SLC22A24: variants seen among roughly 807,000 people sequenced by gnomAD.
The protein encoded by SLC22A24 is solute carrier family 22 member 24, also known as steroid transmembrane transporter SLC22A24.
In SLC22A24, 53 loss-of-function variants were observed where a neutral mutation model predicts 49.8. The ratio of observed to expected loss-of-function variants is 1.06; its 90% CI spans 0.85 to 1.34. The LOEUF (loss-of-function observed/expected upper bound fraction) is 1.34. SLC22A24 is among the 40% of genes most tolerant of loss of function. The pLI is 0.00. For missense variants in SLC22A24, 786 were observed against 675.9 expected (o/e 1.16, Z -1.81); for synonymous variants, 302 against 256.4 (o/e 1.18, Z -1.70).
intron 6 of SLC22A24, among the ~76,000 whole-genome samples, chr11:63,093,970 T>A (rs571343910): frequency 1.3e-4 from 13 of 99,632 alleles, no homozygotes; most frequent in African/African-American, 3.5e-4. Context: ...ACCAAAATTC[T>A]TTTTTTCCTG....
intron 1 of SLC22A24, among the ~76,000 whole-genome samples, chr11:63,141,599 G>A (rs2070553026): frequency 6.6e-6 from 1 of 152,168 alleles, no homozygotes; most frequent in South Asian, 2.1e-4. Context: ...AGTAAAGAAT[G>A]TCACTTTCTA....
At chr11:63,099,584 G>C (rs2087078157) in intron 5 of SLC22A24, among the ~76,000 whole-genome samples, 2 of 151,696 alleles carry the variant, frequency 1.3e-5, no homozygotes, top group South Asian at 2.1e-4. Flanking sequence ...TGTGAGGCCA[G>C]TATTACTCTG....
chr11:63,092,134 A>G (rs2087024083), intron 6 of SLC22A24, among the ~76,000 whole-genome samples: 1 of 152,122 alleles, frequency 6.6e-6, no homozygotes, highest in Admixed American at 6.6e-5. Context: ...CCAAATCCTG[A>G]GTGAACTCCC....
In SLC22A24 at chr11:63,140,090, T is replaced by G. The variant is rs9667687; in HGVS notation, c.402+3288A>C. ...TTGTTTTTTTGTTTTTTTTTTTTGT[T>G]TTTTTTTTTTGAGACGGGGTCTTGC... On this transcript the variant is annotated intron_variant, in intron 1 of 9. Transcript: ENST00000612278. Among the ~76,000 whole-genome samples the G allele has an allele frequency of 2.1e-5, 3 of 145,940 alleles. 1 individual carries two copies. Among genetic ancestry groups the G allele is most frequent in the African/African-American group, 7.8e-5 (3 of 38,396 alleles).
intron 1 of SLC22A24, among the ~76,000 whole-genome samples, chr11:63,140,416 T>A (rs948042842): frequency 6.6e-6 from 1 of 152,138 alleles, no homozygotes; most frequent in Non-Finnish European, 1.5e-5. Flanking sequence ...TAAAACAAAG[T>A]GTCTTGAAAA....
chr11:63,142,623 CT>C (rs2087422431), intron 1 of SLC22A24, among the ~76,000 whole-genome samples: 1 of 152,154 alleles, frequency 6.6e-6, no homozygotes. Flanking sequence ...GATTCTGACC[CT>C]CCCTAAACTG....
chr11:63,095,995 C>A lies in SLC22A24; in HGVS notation c.1066G>T (p.Val356Leu), dbSNP rs1285635313. The A allele has an allele frequency of 1.9e-6, 3 of 1,548,316 alleles. No individual in the cohort carries two copies. The Admixed American group carries it at 5.9e-5, about 30-fold the overall frequency. ...TCATCACCAAATGGAACTTACCTCACAAAGCACAGGCCGAAGACTCTCATT... is the reference window on the plus strand; with the variant it reads ...TCATCACCAAATGGAACTTACCTCAAAAAGCACAGGCCGAAGACTCTCATT... Reference protein sequence around the residue: ...LRMRVFGLCFVRFAITVPFYG... With the variant: ...LRMRVFGLCFLRFAITVPFYG... Residue 356 changes from valine to leucine, a missense_variant, in exon 6 of 10, where the codon GTG (valine) becomes TTG (leucine). Physicochemically the swap from Val to Leu is conservative, Grantham distance 32 (BLOSUM62 1). Coordinates refer to ENST00000612278, the MANE Select transcript of SLC22A24 (RefSeq NM_001136506.2).
rs373854218 is a variant in SLC22A24 at position 63,123,396 on chromosome 11, A to G, written c.507-4061T>C. Among the ~76,000 whole-genome samples the G allele has an allele frequency of 1.4e-4, 21 of 152,304 alleles. 1 individual carries two copies. Among genetic ancestry groups the G allele is most frequent in the Admixed American group, 5.9e-4 (9 of 15,284 alleles). On this transcript the variant is annotated intron_variant, in intron 2 of 9. Transcript: ENST00000612278. Reference sequence around the variant, plus strand: ...AATCTACTTGATATCACTGGTCTCTATCTACATTTCTTTTCTGAGTTACCC... The same window carrying G: ...AATCTACTTGATATCACTGGTCTCTGTCTACATTTCTTTTCTGAGTTACCC...
At chr11:63,092,008 A>T (rs929137278) in intron 6 of SLC22A24, among the ~76,000 whole-genome samples, 5 of 152,102 alleles carry the variant, frequency 3.3e-5, no homozygotes, top group African/African-American at 1.2e-4. Context: ...AAACCCCATC[A>T]TCTTAGCCCC....
intron 2 of SLC22A24, among the ~76,000 whole-genome samples, chr11:63,131,731 C>G (rs984411462): frequency 3.9e-5 from 6 of 152,076 alleles, no homozygotes; most frequent in Admixed American, 1.3e-4. Context: ...TCGTTTCTAC[C>G]TTGGTGAATC....
chr11:63,121,442 T>G (rs2087251303), intron 2 of SLC22A24, among the ~76,000 whole-genome samples: 1 of 152,060 alleles, frequency 6.6e-6, no homozygotes, highest in African/African-American at 2.4e-5. Flanking sequence ...GGGGGATCAC[T>G]ATGAAGAACT....
intron 6 of SLC22A24, among the ~76,000 whole-genome samples, chr11:63,084,851 G>A (rs952835564): frequency 1.3e-5 from 2 of 152,050 alleles, no homozygotes; most frequent in African/African-American, 2.4e-5. Context: ...CTCTAACTCT[G>A]AATGAATATC....
intron 5 of SLC22A24, 65 bp from the exon 6 acceptor site, chr11:63,096,171 A>G: frequency 9.7e-7 from 1 of 1,032,924 alleles, no homozygotes; most frequent in Non-Finnish European, 1.5e-6. Flanking sequence ...CATAGTGGTA[A>G]GTACTAGAGA....
chr11:63,117,430 G>A (rs1052423955), intron 4 of SLC22A24, among the ~76,000 whole-genome samples: 3 of 152,210 alleles, frequency 2.0e-5, no homozygotes, highest in African/African-American at 7.2e-5. Context: ...CACTCAGTCA[G>A]GCAGTTTACA....
chr11:63,120,315 A>C (rs1311143721), intron 2 of SLC22A24, among the ~76,000 whole-genome samples: 2 of 54,924 alleles, frequency 3.6e-5, no homozygotes, highest in South Asian at 7.8e-4. Context: ...GGGTGGGGGG[A>C]GGGGGGAGGG....
chr11:63,112,838 C>G (rs1392738721), intron 4 of SLC22A24, among the ~76,000 whole-genome samples: 1 of 150,382 alleles, frequency 6.6e-6, no homozygotes, highest in Non-Finnish European at 1.5e-5. Context: ...ATGGTGAAAC[C>G]CCGTCTCTAC....
Position 63,079,950 on chromosome 11 carries a change from G to A in SLC22A24, c.1649C>T (p.Thr550Ile). 1.9e-6 allele frequency: 3 copies of A among 1,543,806 alleles called. No individual in the cohort carries two copies. The highest frequency in any genetic ancestry group is 2.6e-6 in the Non-Finnish European group (3 of 1,139,972). ...GGTCTTGGGAATCTCTTAAAACTGT[G>A]TTACTTTCATGCAAGTATCTTCCTG... is the stretch of plus-strand genomic sequence containing the variant. The part of the protein sequence containing the change: ...IKQEDTCMKV[T>I]QF Residue 550 changes from threonine (T) to isoleucine (I), a missense_variant, in exon 10 of 10, where the codon ACA becomes ATA. Thr to Ile is a moderately conservative substitution (Grantham distance 89, BLOSUM62 -1). Transcript: ENST00000612278.
chr11:63,127,882 T>G lies in SLC22A24; in HGVS notation c.506+6783A>C, dbSNP rs193089692. On this transcript the variant is annotated intron_variant, in intron 2 of 9. Coordinates refer to ENST00000612278, the MANE Select transcript of SLC22A24 (RefSeq NM_001136506.2). ...GGATATTAGCTGTTTGTCAGATGGA[T>G]AGACTACAAAAATTTTCTCCCATTC... 2.6e-3 allele frequency among the ~76,000 whole-genome samples: 398 copies of G among 152,168 alleles called. 1 individual carries two copies. Among genetic ancestry groups the G allele is most frequent in the Non-Finnish European group, 4.5e-3 (304 of 68,010 alleles).
intron 4 of SLC22A24, among the ~76,000 whole-genome samples, chr11:63,109,749 C>G (rs1488819040): frequency 6.6e-6 from 1 of 152,116 alleles, no homozygotes; most frequent in Admixed American, 6.6e-5. Context: ...GGATATTAGC[C>G]CTTTGTCAGA....
Sources: gnomAD v4.1 joint callset for allele counts (sites outside exome capture counted in the v4.1 genomes callset) on GRCh38, gnomAD v4.1.1 for gene constraint, MANE v1.5 for transcripts, NCBI Gene and HGNC (gene_info 2026-07-23, HGNC 2026-07-21) for gene names.